MYO1A: variants seen among roughly 807,000 people sequenced by gnomAD.
The protein encoded by MYO1A is unconventional myosin-Ia.
Under a neutral mutation model 138.5 loss-of-function variants are expected in MYO1A, and 127 were observed. The ratio of observed to expected loss-of-function variants is 0.92; its 90% CI spans 0.79 to 1.06. MYO1A has a LOEUF of 1.06. MYO1A is among the 50% of genes least tolerant of loss of function. The pLI is 0.00. For missense variants in MYO1A, 1,211 were observed against 1,288.8 expected (o/e 0.94, Z 0.92); for synonymous variants, 477 against 497.5 (o/e 0.96, Z 0.55).
Position 57,038,020 on chromosome 12 carries a change from G to T in MYO1A, c.1810C>A (p.Leu604Met). The change falls in exon 18 of 28, where the codon CTG (leucine) becomes ATG (methionine). Residue 604 changes from leucine to methionine, a missense_variant. Leu to Met is a conservative substitution (Grantham distance 15). Transcript: ENST00000300119. ...AGGTACCGAGCCTGGGTTGCCACCA[G>T]GTCTGAAGAGAACTGACCTCGCTGC... The part of the protein sequence containing the change: ...HQQRGQFSSD[L>M]VATQARYLGL... The T allele has an allele frequency of 6.2e-7, 1 of 1,614,160 alleles. No individual in the cohort carries two copies.
intron 22 of MYO1A, among the ~76,000 whole-genome samples, chr12:57,032,749 G>A (rs1303924270): frequency 1.3e-5 from 2 of 152,152 alleles, no homozygotes; most frequent in Non-Finnish European, 2.9e-5. Context: ...AGAGTAGGTC[G>A]GGGCAGATCA....
intron 8 of MYO1A, among the ~76,000 whole-genome samples, chr12:57,046,337 C>T (rs1476031787): frequency 6.6e-6 from 1 of 152,100 alleles, no homozygotes; most frequent in Non-Finnish European, 1.5e-5. Context: ...GGCAATAAAA[C>T]CCCAGAAAAG....
chr12:57,036,723 C>T, intron 21 of MYO1A, 49 bp downstream of exon 21: 14 of 1,606,334 alleles, frequency 8.7e-6, no homozygotes, highest in Non-Finnish European at 1.1e-5. Flanking sequence ...GCAGGTGACA[C>T]AATCCAGGAG....
At chr12:57,032,986 T>C (rs2030358642) in intron 22 of MYO1A, among the ~76,000 whole-genome samples, 1 of 152,200 alleles carries the variant, frequency 6.6e-6, no homozygotes, top group Non-Finnish European at 1.5e-5. Flanking sequence ...ACTATCTGTG[T>C]GCTCTGACAC....
intron 8 of MYO1A, among the ~76,000 whole-genome samples, chr12:57,046,133 A>G (rs2031082194): frequency 6.6e-6 from 1 of 152,222 alleles, no homozygotes; most frequent in South Asian, 2.1e-4. Flanking sequence ...AGCTTCAACT[A>G]GAGTTCACTG....
At chr12:57,032,508 C>T (rs867145897) in intron 22 of MYO1A, among the ~76,000 whole-genome samples, 1 of 152,128 alleles carries the variant, frequency 6.6e-6, no homozygotes, top group Admixed American at 6.5e-5. Context: ...ATTCCAGAGA[C>T]ATTAAAAAGC....
chr12:57,046,538 A>T lies in MYO1A; in HGVS notation c.640+14T>A, dbSNP rs571847670. Reference sequence around the variant, plus strand: ...TGTCACTCATGAGGACACTTTCCCCATGCAGGCACATACTCAGCAGCTGTT... The same window carrying T: ...TGTCACTCATGAGGACACTTTCCCCTTGCAGGCACATACTCAGCAGCTGTT... On this transcript the variant is annotated intron_variant, in intron 8 of 27. Transcript: ENST00000300119. The T allele has an allele frequency of 2.5e-6, 4 of 1,607,062 alleles. No individual in the cohort carries two copies. Among genetic ancestry groups the T allele is most frequent in the Non-Finnish European group, 2.6e-6 (3 of 1,173,782 alleles).
intron 3 of MYO1A, 101 bp downstream of exon 3, chr12:57,047,888 A>C (rs1254137908): frequency 1.3e-6 from 2 of 1,552,024 alleles, no homozygotes; most frequent in Non-Finnish European, 1.8e-6. Context: ...AGGAAGGGGC[A>C]GCTGGAGAAG....
intron 3 of MYO1A, 84 bp downstream of exon 3, chr12:57,047,905 C>T: frequency 6.4e-7 from 1 of 1,568,868 alleles, no homozygotes; most frequent in Non-Finnish European, 8.7e-7. Flanking sequence ...GAAGCCCCTT[C>T]AGGGGAAGGG....
At position 57,029,447 on chromosome 12, in the gene MYO1A, C is replaced by T. The variant is rs760874091; in HGVS notation, c.2865G>A (p.Leu955=). 2 of 1,614,198 alleles carry T rather than the reference C, an allele frequency of 1.2e-6. No individual in the cohort carries two copies. Among genetic ancestry groups the T allele is most frequent in the Non-Finnish European group, 1.7e-6 (2 of 1,180,022 alleles). The change falls in exon 26 of 28, where the codon TTG becomes TTA. Residue 955 remains leucine (L), a synonymous_variant. Transcript: ENST00000300119. ...CCAGCTCTGATACCTCACTCAGATGCAAGCTAAAGAGCCCATCCTTGAGGC... is the reference window on the plus strand; with the variant it reads ...CCAGCTCTGATACCTCACTCAGATGTAAGCTAAAGAGCCCATCCTTGAGGC... The part of the protein sequence containing the change: ...VTSLKDGLFS[L]HLSEMSSVGS...
chr12:57,029,799 C>T lies in MYO1A; in HGVS notation c.2665G>A (p.Glu889Lys). ...TCTGCCATCAGAACAGGCCCCTCCT[C>T]CCCGCCTTTCAGCTTCTGCAGCTTG... ...NPKLQKLKGG[E>K]EGPVLMAEAV... The change falls in exon 25 of 28, where the codon GAG becomes AAG. Residue 889 changes from glutamate to lysine, a missense_variant. Glu to Lys is a moderately conservative substitution (Grantham distance 56, BLOSUM62 1). Transcript: ENST00000300119. 6 of 1,614,240 alleles carry T rather than the reference C, an allele frequency of 3.7e-6. No homozygotes were observed. The highest frequency in any genetic ancestry group is 5.1e-6 in the Non-Finnish European group (6 of 1,180,042).
intron 16 of MYO1A, 64 bp from the exon 17 acceptor site, chr12:57,038,702 G>C: frequency 6.2e-7 from 1 of 1,607,966 alleles, no homozygotes; most frequent in Non-Finnish European, 8.5e-7. Context: ...GGCCCTCCCA[G>C]TCTCATTGTG....
At chr12:57,039,321 C>G (rs2030751484) in intron 14 of MYO1A, 47 bp from the exon 15 acceptor site, 2 of 1,419,974 alleles carry the variant, frequency 1.4e-6, no homozygotes, top group Non-Finnish European at 2.0e-6. Context: ...CCAAGACAAG[C>G]CTCCAGAGAC....
At chr12:57,044,539 C>T (rs1488860374) in intron 8 of MYO1A, among the ~76,000 whole-genome samples, 2 of 152,146 alleles carry the variant, frequency 1.3e-5, no homozygotes, top group African/African-American at 4.8e-5. Flanking sequence ...TGGGTGCATG[C>T]CACCACGCCT....
At chr12:57,030,353 G>T in intron 23 of MYO1A, 37 bp from the exon 24 acceptor site, 2 of 1,503,604 alleles carry the variant, frequency 1.3e-6, no homozygotes, top group Non-Finnish European at 1.9e-6. Flanking sequence ...AAATCATAGA[G>T]TGGGAGGGCA....
chr12:57,032,859 G>T (rs576463011), intron 22 of MYO1A, among the ~76,000 whole-genome samples: 1 of 152,082 alleles, frequency 6.6e-6, no homozygotes, highest in African/African-American at 2.4e-5. Flanking sequence ...ATTCAATATA[G>T]CTTATTATTT....
chr12:57,030,143 A>G, intron 24 of MYO1A, 67 bp downstream of exon 24: 1 of 1,405,942 alleles, frequency 7.1e-7, no homozygotes, highest in Non-Finnish European at 1.0e-6. Flanking sequence ...GGTGATTCTA[A>G]GGCACGCTCA....
At chr12:57,034,969 AAAAT>A (rs1158104536) in intron 22 of MYO1A, among the ~76,000 whole-genome samples, 5 of 152,138 alleles carry the variant, frequency 3.3e-5, no homozygotes, top group East Asian at 1.9e-4. Flanking sequence ...TCTGTCTCAA[AAAAT>A]AAATAAATAA....
At position 57,043,119 on chromosome 12, in the gene MYO1A, T is replaced by C; in HGVS notation, c.1051A>G (p.Ser351Gly). 6.2e-7 allele frequency: 1 copy of C among 1,614,210 alleles called. No homozygotes were observed. Among genetic ancestry groups the C allele is most frequent in the Non-Finnish European group, 8.5e-7 (1 of 1,180,030 alleles). The change falls in exon 12 of 28, where the codon AGC (serine) becomes GGC (glycine). Residue 351 changes from serine (S) to glycine (G), a missense_variant. Transcript: ENST00000300119. ...ARDALAKNIY[S>G]RLFDWIVNRI... The stretch of plus-strand genomic sequence containing the variant: ...TTCACTATCCAGTCAAAGAGGCGGC[T>C]GTAGATGTTCTTAGCCAGGGCGTCC...
Sources: allele counts gnomAD v4.1 joint callset (sites outside exome capture counted in the v4.1 genomes callset), GRCh38; gene constraint gnomAD v4.1.1; transcripts MANE v1.5; gene names NCBI Gene and HGNC (gene_info 2026-07-23, HGNC 2026-07-21).